GARIN5B: variants seen among roughly 807,000 people sequenced by gnomAD.
GARIN5B encodes the protein golgi associated RAB2 interactor family member 5B.
At chr19:55,358,701 G>C in the GARIN5B span, 202 of 1,550,840 alleles carry the variant, frequency 1.3e-4, no homozygotes, top group Non-Finnish European at 1.7e-4. Flanking sequence ...GTCGCCAAGA[G>C]CCAGGAGGGA....
the GARIN5B span, chr19:55,359,364 T>G: frequency 1.3e-6 from 2 of 1,509,366 alleles, no homozygotes; most frequent in Admixed American, 2.0e-5. Context: ...GGGGGTGGGG[T>G]CTTCTGGGGT....
At chr19:55,361,114 T>G in the GARIN5B span, 2 of 1,551,160 alleles carry the variant, frequency 1.3e-6, no homozygotes, top group African/African-American at 2.7e-5. Context: ...CTGGAGTGGG[T>G]GAGGAAGGGA....
At chr19:55,360,079 G>A in the GARIN5B span, 5 of 1,116,000 alleles carry the variant, frequency 4.5e-6, no homozygotes, top group Non-Finnish European at 6.2e-6. Flanking sequence ...AGACTCAGGA[G>A]TCCAGGCCCC....
the GARIN5B span, chr19:55,359,314 C>T: frequency 1.2e-5 from 18 of 1,529,776 alleles, no homozygotes; most frequent in Middle Eastern, 5.0e-4. Context: ...GGGACACAGC[C>T]TTCTGGGGAA....
chr19:55,358,332 C>T, the GARIN5B span: 1 of 1,532,390 alleles, frequency 6.5e-7, no homozygotes. Context: ...TGCTGGGACG[C>T]CCTGGCTGTG....
the GARIN5B span, among the ~76,000 whole-genome samples, chr19:55,355,673 C>T: frequency 6.6e-6 from 1 of 152,174 alleles, no homozygotes; most frequent in Non-Finnish European, 1.5e-5. Flanking sequence ...ATTGTTTACA[C>T]TGACAGCCAA....
chr19:55,360,952 C>A, the GARIN5B span: 2 of 1,545,422 alleles, frequency 1.3e-6, no homozygotes, highest in Admixed American at 2.0e-5. Flanking sequence ...GGGCTGGGGT[C>A]TCCCACCTTC....
the GARIN5B span, chr19:55,361,136 G>T: frequency 1.3e-6 from 2 of 1,551,070 alleles, no homozygotes; most frequent in East Asian, 2.4e-5. Context: ...GGTTAGACAG[G>T]GGCAGCCCCT....
the GARIN5B span, chr19:55,362,154 G>A: frequency 7.0e-7 from 1 of 1,428,124 alleles, no homozygotes; most frequent in South Asian, 1.5e-5. Flanking sequence ...CCCCGGCCTA[G>A]ACTTTGGGCT....
At chr19:55,358,645 G>T in the GARIN5B span, 4 of 1,551,228 alleles carry the variant, frequency 2.6e-6, no homozygotes, top group African/African-American at 4.1e-5. Flanking sequence ...GCTGGCCGGG[G>T]CGGGAGGGCA....
At chr19:55,362,644 A>C in the GARIN5B span, 1 of 1,547,724 alleles carries the variant, frequency 6.5e-7, no homozygotes, top group Non-Finnish European at 8.7e-7. Context: ...GATGTCAGGC[A>C]ACACCAGGCC....
chr19:55,359,937 CAT>C, the GARIN5B span: 1 of 1,550,900 alleles, frequency 6.4e-7, no homozygotes. Flanking sequence ...CTCTCAACCA[CAT>C]GTCCCTGGCC....
the GARIN5B span, chr19:55,359,651 A>G: frequency 0.98 from 1,527,077 of 1,551,616 alleles, 752,206 homozygotes; most frequent in Non-Finnish European, 1. Context: ...AGATGTGACA[A>G]GGCCAGATGG....
the GARIN5B span, chr19:55,359,534 G>A: frequency 4.1e-5 from 63 of 1,548,892 alleles, no homozygotes; most frequent in Non-Finnish European, 4.6e-5. Context: ...AGGAGCTGAC[G>A]CAGCTGGGGC....
the GARIN5B span, chr19:55,363,104 G>C: frequency 1.4e-6 from 2 of 1,444,656 alleles, no homozygotes; most frequent in Non-Finnish European, 1.8e-6. This position sits in a 1 kb window ranked among gnomAD's most constrained non-coding sequence, Gnocchi z 4.0. Context: ...TAGGGACCCA[G>C]AACCCAGGCG....
At chr19:55,360,886 G>A in the GARIN5B span, 14 of 1,544,762 alleles carry the variant, frequency 9.1e-6, no homozygotes, top group Admixed American at 2.0e-5. Flanking sequence ...GTTCTGTCGG[G>A]GCGGGGGTCT....
the GARIN5B span, chr19:55,355,307 C>T: frequency 1.3e-6 from 2 of 1,550,174 alleles, no homozygotes; most frequent in Non-Finnish European, 1.7e-6. Flanking sequence ...AGGTTAAGCC[C>T]CCGCATCCGG....
the GARIN5B span, chr19:55,359,887 GA>G: frequency 6.4e-7 from 1 of 1,551,540 alleles, no homozygotes; most frequent in Non-Finnish European, 8.7e-7. Flanking sequence ...AGCCCAGAAA[GA>G]AGCCATCAGG....
chr19:55,360,974 C>T, the GARIN5B span: 1 of 1,548,348 alleles, frequency 6.5e-7, no homozygotes, highest in Admixed American at 2.0e-5. Flanking sequence ...CCCACCCACC[C>T]ACCGGCAACA....
Sources: gnomAD v4.1 joint callset for allele counts (sites outside exome capture counted in the v4.1 genomes callset) on GRCh38, gnomAD v4.1.1 for gene constraint, Gnocchi (gnomAD v3.1) non-coding constraint, MANE v1.5 for transcripts, NCBI Gene and HGNC (gene_info 2026-07-23, HGNC 2026-07-21) for gene names.